GRAMD2A: variants seen among roughly 807,000 people sequenced by gnomAD.
GRAMD2A encodes the protein GRAM domain-containing protein 2A.
A neutral mutation model predicts 51.1 loss-of-function variants in GRAMD2A; 37 were observed. That is an observed-to-expected ratio of 0.72 (90% CI 0.56 to 0.95). The LOEUF (loss-of-function observed/expected upper bound fraction) is 0.95. GRAMD2A is among the 40% of genes least tolerant of loss of function. The probability of loss-of-function intolerance (pLI) is 0.00; values close to 1 mark genes in which losing one functional copy is unlikely to be tolerated. For synonymous variants in GRAMD2A, 136 were observed against 157.1 expected (o/e 0.87, Z 1.01); for missense variants, 414 against 426.9 (o/e 0.97, Z 0.27).
chr15:72,182,215 A>G (rs1223897193), intron 1 of GRAMD2A, among the ~76,000 whole-genome samples: 1 of 151,900 alleles, frequency 6.6e-6, no homozygotes, highest in Non-Finnish European at 1.5e-5. Flanking sequence ...AAATACAAAA[A>G]TCAGCTGGGC....
chr15:72,173,165 G>A (rs1004863148), intron 1 of GRAMD2A, among the ~76,000 whole-genome samples: 6 of 152,168 alleles, frequency 3.9e-5, no homozygotes, highest in Admixed American at 1.3e-4. Flanking sequence ...CTCAGAGGAT[G>A]CACAGATCCC....
At chr15:72,194,450 C>A (rs1274989192) in intron 1 of GRAMD2A, among the ~76,000 whole-genome samples, 1 of 152,058 alleles carries the variant, frequency 6.6e-6, no homozygotes, top group East Asian at 1.9e-4. Flanking sequence ...TATTCCAAGA[C>A]CTTATGCTTG....
Position 72,166,654 on chromosome 15 carries a change from C to T in GRAMD2A, c.521G>A (p.Arg174Lys), listed in dbSNP as rs1351906563. The part of the protein sequence containing the change: ...LSRDSVYDLL[R>K]RVCTHLQPSS... ...TACCTGTAGGTGGGTGCAGACTCTC[C>T]TCAGCAGGTCATATACACTGTCCCG... Residue 174 changes from arginine to lysine, a missense_variant, in exon 7 of 12, where the codon AGG becomes AAG. Arg to Lys is a conservative substitution (Grantham distance 26, BLOSUM62 2). Coordinates refer to ENST00000309731, the MANE Select transcript of GRAMD2A (RefSeq NM_001012642.3). The surrounding 1 kb of genome is among the most constrained non-coding windows in gnomAD (Gnocchi z 4.1). 6.2e-7 allele frequency: 1 copy of T among 1,613,896 alleles called. No homozygotes were observed. The highest frequency in any genetic ancestry group is 8.5e-7 in the Non-Finnish European group (1 of 1,179,934).
chr15:72,167,424 C>T (rs923367212), intron 5 of GRAMD2A, among the ~76,000 whole-genome samples: 5 of 152,224 alleles, frequency 3.3e-5, no homozygotes, highest in African/African-American at 4.8e-5. Flanking sequence ...GCTAGGGCTC[C>T]GCCTAAATGT....
intron 7 of GRAMD2A, 78 bp from the exon 8 acceptor site, chr15:72,165,488 C>T (rs1201021521): frequency 7.2e-7 from 1 of 1,394,066 alleles, no homozygotes; most frequent in Non-Finnish European, 1.0e-6. Flanking sequence ...TCAGCCCTCT[C>T]CAAGAGAGCT....
At chr15:72,176,857 T>C (rs1168612514) in intron 1 of GRAMD2A, among the ~76,000 whole-genome samples, 13 of 141,084 alleles carry the variant, frequency 9.2e-5, no homozygotes, top group Admixed American at 4.3e-4. Context: ...TGCAGTGCTT[T>C]TTTTTTTTTT....
chr15:72,162,639 G>C (rs953340671), intron 10 of GRAMD2A: 1 of 363,992 alleles, frequency 2.7e-6, no homozygotes, highest in Non-Finnish European at 5.1e-6. Context: ...GCTCTGGCCA[G>C]ACAGCCAGAT....
At position 72,162,888 on chromosome 15, in the gene GRAMD2A, G is replaced by A. The variant is rs117322691; in HGVS notation, c.956+378C>T. Reference sequence around the variant, plus strand: ...CTGCTCTACTGGTCCTTAGACAGAGGTAGAGACAAGTCAGGGGTTCCAGAA... The same window carrying A: ...CTGCTCTACTGGTCCTTAGACAGAGATAGAGACAAGTCAGGGGTTCCAGAA... On this transcript the variant is annotated intron_variant, in intron 10 of 11. Transcript: ENST00000309731. 1,227 of 236,208 alleles carry A rather than the reference G, an allele frequency of 5.2e-3. 4 individuals carry two copies. The highest frequency in any genetic ancestry group is 8.0e-3 in the Non-Finnish European group (962 of 120,688). 14.6% of individuals were successfully genotyped at this position (236,208 alleles called of 1,614,324 possible). A position where few individuals can be genotyped will look rare whatever the true frequency, so the allele number is the denominator to read the frequency against.
intron 1 of GRAMD2A, among the ~76,000 whole-genome samples, chr15:72,176,865 T>C (rs889443260): frequency 2.7e-5 from 4 of 148,468 alleles, no homozygotes; most frequent in Non-Finnish European, 6.0e-5. Context: ...TTTTTTTTTT[T>C]TTTTTTTTTT....
chr15:72,180,221 C>T (rs1190317422), intron 1 of GRAMD2A, among the ~76,000 whole-genome samples: 1 of 152,220 alleles, frequency 6.6e-6, no homozygotes, highest in Non-Finnish European at 1.5e-5. Context: ...AATCACAGAG[C>T]CGGCTCTGCA....
At chr15:72,174,512 TA>T (rs2081637713) in intron 1 of GRAMD2A, among the ~76,000 whole-genome samples, 1 of 152,074 alleles carries the variant, frequency 6.6e-6, no homozygotes, top group Non-Finnish European at 1.5e-5. Flanking sequence ...CTGGAAGCCA[TA>T]AAAAACTACC....
chr15:72,177,973 C>G (rs571672509), intron 1 of GRAMD2A, among the ~76,000 whole-genome samples: 4 of 152,342 alleles, frequency 2.6e-5, no homozygotes, highest in Non-Finnish European at 5.9e-5. Context: ...AGTGATCCAC[C>G]CGCCTCGGCC....
At chr15:72,188,507 T>C (rs767113256) in intron 1 of GRAMD2A, among the ~76,000 whole-genome samples, 4 of 152,172 alleles carry the variant, frequency 2.6e-5, no homozygotes, top group Admixed American at 6.5e-5. Flanking sequence ...TTAAAAAGTC[T>C]ATATTAACAT....
intron 1 of GRAMD2A, among the ~76,000 whole-genome samples, chr15:72,195,672 C>T (rs1000974436): frequency 6.6e-6 from 1 of 152,124 alleles, no homozygotes; most frequent in African/African-American, 2.4e-5. Flanking sequence ...GTAATCCCAG[C>T]ACTTTGAGAG....
At chr15:72,177,297 AG>A (rs2081661103) in intron 1 of GRAMD2A, among the ~76,000 whole-genome samples, 1 of 152,230 alleles carries the variant, frequency 6.6e-6, no homozygotes, top group African/African-American at 2.4e-5. Flanking sequence ...CATATAGAAA[AG>A]CACATGTTAA....
intron 2 of GRAMD2A, 25 bp from the exon 3 acceptor site, chr15:72,169,021 G>C (rs745519127): frequency 1.2e-6 from 2 of 1,609,846 alleles, no homozygotes; most frequent in South Asian, 1.1e-5. Flanking sequence ...TTCCATTTCG[G>C]GAACAAGGAA....
intron 1 of GRAMD2A, among the ~76,000 whole-genome samples, chr15:72,187,746 T>C (rs1174176164): frequency 6.6e-6 from 1 of 152,164 alleles, no homozygotes; most frequent in African/African-American, 2.4e-5. Context: ...ATTCCTGGGC[T>C]CAAGTGATCT....
intron 1 of GRAMD2A, among the ~76,000 whole-genome samples, chr15:72,174,242 TCA>T (rs2140551350): frequency 6.6e-6 from 1 of 152,284 alleles, no homozygotes; most frequent in Non-Finnish European, 1.5e-5. Flanking sequence ...CACTGAGCAC[TCA>T]CCAGCAGAAC....
intron 1 of GRAMD2A, among the ~76,000 whole-genome samples, chr15:72,178,636 C>T (rs941933107): frequency 2.4e-5 from 3 of 124,940 alleles, no homozygotes; most frequent in Non-Finnish European, 4.6e-5. Flanking sequence ...AGTGCAGTGG[C>T]GCAATCTCGG....
Sources: allele counts gnomAD v4.1 joint callset (sites outside exome capture counted in the v4.1 genomes callset), GRCh38; gene constraint gnomAD v4.1.1; non-coding constraint Gnocchi (gnomAD v3.1); transcripts MANE v1.5; gene names NCBI Gene and HGNC (gene_info 2026-07-23, HGNC 2026-07-21).